The following CPB1 variants were observed in gnomAD, a reference collection of about 807,000 sequenced individuals.
The protein encoded by CPB1 is carboxypeptidase B1.
A neutral mutation model predicts 51.4 loss-of-function variants in CPB1; 53 were observed. The observed-to-expected ratio is 1.03, with a 90% CI of 0.83 to 1.30. CPB1 has a LOEUF of 1.30. Among genes scored for constraint, CPB1 ranks in the 50% most tolerant of loss-of-function variants. The probability of loss-of-function intolerance (pLI) is 0.00; values close to 1 mark genes in which losing one functional copy is unlikely to be tolerated. For synonymous variants in CPB1, 189 were observed against 186.9 expected, an observed-to-expected ratio of 1.01 and a Z score of -0.09; for missense variants, 494 against 516.2, an observed-to-expected ratio of 0.96 and a Z score of 0.42.
intron 9 of CPB1, among the ~76,000 whole-genome samples, chr3:148,852,804 G>A (rs1713469373): frequency 1.3e-5 from 2 of 152,208 alleles, no homozygotes; most frequent in African/African-American, 4.8e-5. Flanking sequence ...GTTTTCATCA[G>A]TGAAAGCGTT....
chr3:148,846,803 A>C (rs745743861), intron 9 of CPB1, among the ~76,000 whole-genome samples: 1 of 37,096 alleles, frequency 2.7e-5, no homozygotes, highest in East Asian at 8.1e-4. Context: ...GTGTGTATAT[A>C]TATATATATA....
intron 2 of CPB1, among the ~76,000 whole-genome samples, chr3:148,832,766 T>G (rs1712777960): frequency 6.6e-6 from 1 of 152,148 alleles, no homozygotes; most frequent in African/African-American, 2.4e-5. Flanking sequence ...TAACTTGGCT[T>G]TTCCCAGTTC....
At chr3:148,830,875 T>G (rs1712714470) in intron 2 of CPB1, among the ~76,000 whole-genome samples, 1 of 152,178 alleles carries the variant, frequency 6.6e-6, no homozygotes. Flanking sequence ...ACATATTTCT[T>G]CTTTATTCTT....
At chr3:148,856,672 GT>G (rs1190548922) in intron 9 of CPB1, 2 of 152,232 alleles carry the variant, frequency 1.3e-5, no homozygotes, top group African/African-American at 4.8e-5. Context: ...TGTCAGTGGA[GT>G]TTTACCACAG....
chr3:148,857,964 C>T (rs1410651202), intron 10 of CPB1, among the ~76,000 whole-genome samples: 4 of 152,028 alleles, frequency 2.6e-5, no homozygotes, highest in African/African-American at 9.7e-5. Context: ...TCCCTGTAAG[C>T]ATCTACTGAG....
chr3:148,835,797 CTT>C (rs1284117113), intron 3 of CPB1, among the ~76,000 whole-genome samples: 4 of 152,138 alleles, frequency 2.6e-5, no homozygotes, highest in African/African-American at 9.7e-5. Flanking sequence ...AGAAATTTCT[CTT>C]GTTTTTCACG....
chr3:148,834,154 T>A (rs967645536), intron 2 of CPB1, among the ~76,000 whole-genome samples: 3 of 152,190 alleles, frequency 2.0e-5, no homozygotes, highest in Admixed American at 6.6e-5. Context: ...GGCACATAGA[T>A]CCATTACCAC....
intron 3 of CPB1, among the ~76,000 whole-genome samples, chr3:148,839,507 C>T (rs1268767972): frequency 2.6e-5 from 4 of 152,182 alleles, no homozygotes; most frequent in Non-Finnish European, 5.9e-5. Flanking sequence ...TTAAAATCTG[C>T]ATTTTTTCCT....
At chr3:148,842,007 A>G in intron 6 of CPB1, 83 bp downstream of exon 6, 1 of 1,057,992 alleles carries the variant, frequency 9.5e-7, no homozygotes, top group Admixed American at 2.2e-5. Context: ...AGAGAATAAT[A>G]ACACAGAAAA....
intron 3 of CPB1, 55 bp from the exon 4 acceptor site, chr3:148,840,631 C>T: frequency 6.8e-7 from 1 of 1,480,164 alleles, no homozygotes; most frequent in Non-Finnish European, 9.5e-7. Flanking sequence ...TATGTGTGTT[C>T]ACTGGAGAAA....
Position 148,846,756 on chromosome 3 carries a change from CATAT to C in CPB1, c.981+1142_981+1145del, listed in dbSNP as rs10605556. On this transcript the variant is annotated intron_variant, in intron 9 of 10. Coordinates refer to ENST00000282957, the MANE Select transcript of CPB1 (RefSeq NM_001871.3). Reference sequence around the variant, plus strand: ...CCAAAAATATATATATATATATATACATATATATATATATACACATATATATGTG... The same window carrying C: ...CCAAAAATATATATATATATATATACATATATATATACACATATATATGTG... Among the ~76,000 whole-genome samples, 41 of 111,264 alleles carry C rather than the reference CATAT, an allele frequency of 3.7e-4. 1 individual carries two copies. Among genetic ancestry groups the C allele is most frequent in the African/African-American group, 1.0e-3 (31 of 30,722 alleles). 73.0% of individuals were successfully genotyped at this position (111,264 alleles called of 152,430 possible).
intron 3 of CPB1, 50 bp from the exon 4 acceptor site, chr3:148,840,636 G>A (rs767543174): frequency 6.5e-7 from 1 of 1,529,128 alleles, no homozygotes; most frequent in African/African-American, 1.4e-5. Context: ...GTGTTCACTG[G>A]AGAAAAATAC....
At chr3:148,848,653 T>A (rs1176031533) in intron 9 of CPB1, among the ~76,000 whole-genome samples, 1 of 152,170 alleles carries the variant, frequency 6.6e-6, no homozygotes, top group African/African-American at 2.4e-5. Context: ...ATCTGAGTCA[T>A]GATAAAAATG....
At chr3:148,831,473 A>G (rs564789704) in intron 2 of CPB1, among the ~76,000 whole-genome samples, 1 of 152,310 alleles carries the variant, frequency 6.6e-6, no homozygotes, top group East Asian at 1.9e-4. Context: ...ATTCATGCAA[A>G]TTTTTGAAGA....
chr3:148,835,147 G>A (rs1022467290), intron 3 of CPB1, among the ~76,000 whole-genome samples: 5 of 152,166 alleles, frequency 3.3e-5, no homozygotes, highest in African/African-American at 1.2e-4. Flanking sequence ...GCAAAGAAAG[G>A]ACTAGAGTAG....
At chr3:148,836,078 T>C (rs544240360) in intron 3 of CPB1, among the ~76,000 whole-genome samples, 1 of 152,058 alleles carries the variant, frequency 6.6e-6, no homozygotes, top group South Asian at 2.1e-4. Flanking sequence ...TAAAAATATA[T>C]ATATAAATAA....
At chr3:148,846,768 TATAC>T (rs1713254362) in intron 9 of CPB1, among the ~76,000 whole-genome samples, 1 of 120,222 alleles carries the variant, frequency 8.3e-6, no homozygotes, top group Admixed American at 9.2e-5. Flanking sequence ...TATATATATA[TATAC>T]ACATATATAT....
At chr3:148,846,758 T>TATATATAC (rs1559960111) in intron 9 of CPB1, among the ~76,000 whole-genome samples, 11 of 392 alleles carry the variant, frequency 0.028, 1 homozygote, top group African/African-American at 0.076. Flanking sequence ...TATATATACA[T>TATATATAC]ATATATATAT....
chr3:148,835,273 C>T (rs1385051971), intron 3 of CPB1, among the ~76,000 whole-genome samples: 2 of 152,158 alleles, frequency 1.3e-5, no homozygotes, highest in East Asian at 1.9e-4. Context: ...TCCAACAAAT[C>T]AATATTGAAT....
Sources: gnomAD v4.1 joint callset for allele counts (sites outside exome capture counted in the v4.1 genomes callset) on GRCh38, gnomAD v4.1.1 for gene constraint, MANE v1.5 for transcripts, NCBI Gene and HGNC (gene_info 2026-07-23, HGNC 2026-07-21) for gene names.